The following TPH2 variants were observed in gnomAD, a reference collection of about 807,000 sequenced individuals.
TPH2 encodes the protein tryptophan 5-hydroxylase 2.
A neutral mutation model predicts 59.1 loss-of-function variants in TPH2; 27 were observed. The observed-to-expected ratio is 0.46, with a 90% confidence interval of 0.34 to 0.63. The LOEUF (loss-of-function observed/expected upper bound fraction) is 0.63. Among genes scored for constraint, TPH2 ranks in the 30% least tolerant of loss-of-function variants. TPH2 has a pLI of 0.01. For synonymous variants in TPH2, 220 were observed against 210.5 expected, an observed-to-expected ratio of 1.05 and a Z score of -0.39; for missense variants, 523 against 588.3, an observed-to-expected ratio of 0.89 and a Z score of 1.15.
At chr12:72,023,272 G>A (rs1447405125) in intron 9 of TPH2, among the ~76,000 whole-genome samples, 1 of 152,134 alleles carries the variant, frequency 6.6e-6, no homozygotes, top group East Asian at 1.9e-4. Flanking sequence ...TCAGACTAAG[G>A]TCAGGATTGT....
chr12:72,008,949 A>G (rs1873026701), intron 8 of TPH2, among the ~76,000 whole-genome samples: 1 of 151,444 alleles, frequency 6.6e-6, no homozygotes. Flanking sequence ...AGCAGTGTGC[A>G]TGTGTGTGTG....
chr12:72,004,150 T>A (rs1872893408), intron 8 of TPH2, among the ~76,000 whole-genome samples: 1 of 150,452 alleles, frequency 6.6e-6, no homozygotes, highest in Non-Finnish European at 1.5e-5. Flanking sequence ...TGTGGTGCAA[T>A]GTGGTGAAAA....
At chr12:71,977,764 T>C (rs1254309790) in intron 6 of TPH2, among the ~76,000 whole-genome samples, 1 of 152,234 alleles carries the variant, frequency 6.6e-6, no homozygotes, top group African/African-American at 2.4e-5. Flanking sequence ...GGACTCATTG[T>C]ATGTGTGTAT....
At chr12:71,979,475 A>G (rs906610371) in intron 7 of TPH2, among the ~76,000 whole-genome samples, 1 of 152,024 alleles carries the variant, frequency 6.6e-6, no homozygotes, top group Admixed American at 6.6e-5. Context: ...CACCATAGCA[A>G]CTCATTACTA....
chr12:71,945,305 C>T (rs1166585356), intron 4 of TPH2, among the ~76,000 whole-genome samples: 1 of 152,152 alleles, frequency 6.6e-6, no homozygotes. Flanking sequence ...CCATTATTCT[C>T]CCCTTCCCCC....
chr12:71,991,656 A>T (rs577584764), intron 7 of TPH2, among the ~76,000 whole-genome samples: 3 of 152,268 alleles, frequency 2.0e-5, no homozygotes, highest in African/African-American at 7.2e-5. Flanking sequence ...TGCAGGCGGC[A>T]TGACCTTTTA....
rs139921370 is a variant in TPH2 at position 72,008,448 on chromosome 12, G to T, written c.1068+13883G>T. 4.5e-3 allele frequency among the ~76,000 whole-genome samples: 681 copies of T among 152,230 alleles called. 11 individuals carry two copies. Among genetic ancestry groups the T allele is most frequent in the African/African-American group, 0.016 (665 of 41,560 alleles). Reference sequence around the variant, plus strand: ...CTGTTCCTTATTGTCCCAGGGCAGGGAATCTTAACCTGAGTTATAGCTCTT... The same window carrying T: ...CTGTTCCTTATTGTCCCAGGGCAGGTAATCTTAACCTGAGTTATAGCTCTT... On this transcript the variant is annotated intron_variant, in intron 8 of 10. Coordinates refer to ENST00000333850, the MANE Select transcript of TPH2 (RefSeq NM_173353.4).
intron 5 of TPH2, chr12:71,964,860 G>T: frequency 9.9e-6 from 5 of 504,250 alleles, no homozygotes; most frequent in Non-Finnish European, 1.3e-5. Flanking sequence ...ATGGGGTTTT[G>T]TTGTACATAT....
chr12:71,949,503 C>G (rs1871286256), intron 4 of TPH2, 85 bp from the exon 5 acceptor site: 1 of 1,121,196 alleles, frequency 8.9e-7, no homozygotes, highest in African/African-American at 1.5e-5. Context: ...ATTGAACACT[C>G]AGACACCACA....
chr12:71,951,673 CTA>C, intron 5 of TPH2, among the ~76,000 whole-genome samples: 1 of 150,238 alleles, frequency 6.7e-6, no homozygotes, highest in Middle Eastern at 3.4e-3. Context: ...TATGTAGATG[CTA>C]TATGTTTTAT....
Position 71,975,985 on chromosome 12 carries a change from A to G in TPH2, c.806-2967A>G, listed in dbSNP as rs556859000. On this transcript the variant is annotated intron_variant, in intron 6 of 10. Transcript: ENST00000333850. ...ATAGTTAGAATATCACCTCATAAAT[A>G]CTGTTGTATTTGCCCCCCAAATTAA... Among the ~76,000 whole-genome samples the G allele has an allele frequency of 2.0e-5, 3 of 152,274 alleles. No homozygotes were observed. The East Asian group carries it at 5.8e-4, about 29-fold the overall frequency.
intron 5 of TPH2, among the ~76,000 whole-genome samples, chr12:71,953,675 G>C (rs1007280023): frequency 2.6e-5 from 4 of 152,134 alleles, no homozygotes; most frequent in East Asian, 1.9e-4. Flanking sequence ...CTGATGTTTA[G>C]AACCACTTTG....
intron 6 of TPH2, among the ~76,000 whole-genome samples, chr12:71,974,465 C>T (rs1257432591): frequency 6.6e-6 from 1 of 152,126 alleles, no homozygotes; most frequent in Non-Finnish European, 1.5e-5. Context: ...TGCATCACTC[C>T]AACCTCTTGC....
intron 1 of TPH2, among the ~76,000 whole-genome samples, chr12:71,939,395 CAAAA>C (rs5799057): frequency 8.2e-6 from 1 of 121,678 alleles, no homozygotes. Flanking sequence ...AATCTACAGC[CAAAA>C]AAAAAAAAAA....
chr12:71,940,190 G>A lies in TPH2; in HGVS notation c.105+1099G>A, dbSNP rs114097121. Among the ~76,000 whole-genome samples the A allele has an allele frequency of 4.7e-3, 718 of 152,260 alleles. 5 individuals are homozygous for A. The highest frequency in any genetic ancestry group is 0.016 in the African/African-American group (665 of 41,544). On this transcript the variant is annotated intron_variant, in intron 1 of 10. Transcript: ENST00000333850. Reference sequence around the variant, plus strand: ...AAGTAAGCTCAGGGTAATGGTTAATGTATGACCCTTTTATATAAAAAATGC... The same window carrying A: ...AAGTAAGCTCAGGGTAATGGTTAATATATGACCCTTTTATATAAAAAATGC...
intron 7 of TPH2, among the ~76,000 whole-genome samples, chr12:71,986,117 G>A (rs1180359415): frequency 3.9e-5 from 6 of 152,196 alleles, no homozygotes. Context: ...AGGACCTAAG[G>A]ACTGATTGCC....
intron 7 of TPH2, among the ~76,000 whole-genome samples, chr12:71,987,777 G>T (rs1195957854): frequency 6.6e-6 from 1 of 152,114 alleles, no homozygotes; most frequent in African/African-American, 2.4e-5. Context: ...GCTTGAACCC[G>T]GGAGGCGGAG....
chr12:71,966,501 G>A (rs1250743737), intron 5 of TPH2, among the ~76,000 whole-genome samples: 1 of 152,152 alleles, frequency 6.6e-6, no homozygotes, highest in Non-Finnish European at 1.5e-5. Flanking sequence ...CACCAAAGGT[G>A]GGGAAGGAAA....
intron 4 of TPH2, among the ~76,000 whole-genome samples, chr12:71,944,905 A>G (rs1871161542): frequency 6.6e-6 from 1 of 152,150 alleles, no homozygotes; most frequent in African/African-American, 2.4e-5. Flanking sequence ...TTTATTTTTA[A>G]AAGGGTTGGA....
Sources: allele counts gnomAD v4.1 joint callset (sites outside exome capture counted in the v4.1 genomes callset), GRCh38; gene constraint gnomAD v4.1.1; transcripts MANE v1.5; gene names NCBI Gene and HGNC (gene_info 2026-07-23, HGNC 2026-07-21).